CATSPERB: variants seen among roughly 807,000 people sequenced by gnomAD.
CATSPERB encodes catsper channel auxiliary subunit beta, also known as cation channel sperm-associated auxiliary subunit beta.
CATSPERB carries 93 observed loss-of-function variants against 128.3 expected under a neutral mutation model. The ratio of observed to expected loss-of-function variants is 0.72; its 90% CI spans 0.61 to 0.86. The LOEUF is 0.86. CATSPERB is among the 40% of genes least tolerant of loss of function. CATSPERB has a pLI of 0.00. For synonymous variants in CATSPERB, 381 were observed against 448.8 expected, an observed-to-expected ratio of 0.85 and a Z score of 1.91; for missense variants, 1,153 against 1,329.5, an observed-to-expected ratio of 0.87 and a Z score of 2.06.
intron 10 of CATSPERB, among the ~76,000 whole-genome samples, chr14:91,687,538 C>G (rs866737239): frequency 6.6e-6 from 1 of 152,132 alleles, no homozygotes; most frequent in African/African-American, 2.4e-5. Flanking sequence ...TTTGCCTGTG[C>G]CTTTATCTTG....
intron 22 of CATSPERB, among the ~76,000 whole-genome samples, chr14:91,592,740 A>G (rs1401684535): frequency 6.6e-6 from 1 of 152,128 alleles, no homozygotes; most frequent in Non-Finnish European, 1.5e-5. Context: ...AGAAAAACCC[A>G]TTTTCTGGGG....
chr14:91,671,291 T>A (rs1895083551), intron 13 of CATSPERB, among the ~76,000 whole-genome samples: 1 of 152,124 alleles, frequency 6.6e-6, no homozygotes, highest in African/African-American at 2.4e-5. Flanking sequence ...TCATATCTCC[T>A]GGCCAGGCGC....
chr14:91,581,403 G>A (rs984794514), intron 26 of CATSPERB, among the ~76,000 whole-genome samples: 19 of 152,370 alleles, frequency 1.2e-4, no homozygotes, highest in African/African-American at 4.3e-4. Context: ...CAGTCTCAGA[G>A]GAATGGGCAA....
In CATSPERB at chr14:91,581,702, T is replaced by C. The variant is rs570589504; in HGVS notation, c.3133-595A>G. Among the ~76,000 whole-genome samples the C allele has an allele frequency of 2.0e-5, 3 of 152,358 alleles. No homozygotes were observed. The East Asian group carries it at 5.8e-4, about 29-fold the overall frequency. On this transcript the variant is annotated intron_variant, in intron 26 of 26. Coordinates refer to ENST00000256343, the MANE Select transcript of CATSPERB (RefSeq NM_024764.4). ...AATTTCTGGAGGACAGATAGGATTA[T>C]TGACAGAGAGGGACAGTGATGTCTT...
intron 5 of CATSPERB, among the ~76,000 whole-genome samples, chr14:91,714,277 C>CAAAAAAAAAAAAAAAAGAAA (rs35951126): frequency 9.0e-6 from 1 of 111,282 alleles, no homozygotes; most frequent in African/African-American, 3.6e-5. Flanking sequence ...TACAATAAGG[C>CAAAAAAAAAAAAAAAAGAAA]AAAAAAAAAA....
chr14:91,580,808 C>A lies in CATSPERB; in HGVS notation c.*81G>T. The A allele has an allele frequency of 2.0e-6, 2 of 1,024,634 alleles. No individual in the cohort carries two copies. Among genetic ancestry groups the A allele is most frequent in the Non-Finnish European group, 2.9e-6 (2 of 683,718 alleles). The allele number at this position is 1,024,634 out of a possible 1,614,324, so 63.5% of individuals were successfully genotyped here. A position where few individuals can be genotyped will look rare whatever the true frequency, so the allele number is the denominator to read the frequency against. ...ATTCTTTAGGATTTTATGTAGCTTG[C>A]ATATTTAACATTTAAATATATTGTT... On this transcript the variant is annotated 3_prime_UTR_variant, in exon 27 of 27. Coordinates refer to ENST00000256343, the MANE Select transcript of CATSPERB (RefSeq NM_024764.4).
chr14:91,708,164 C>T lies in CATSPERB; in HGVS notation c.443G>A (p.Gly148Glu), dbSNP rs1566737150. ...ACCTCGAATAACATCCAATAGAGTT[C>T]CTTCAGTAGCATAAATATTTAGTCC... ...HHGLNIYATE[G>E]TLLDVIREPI... The change falls in exon 6 of 27, where the codon GGA becomes GAA. Residue 148 changes from glycine to glutamate, a missense_variant. Coordinates refer to ENST00000256343, the MANE Select transcript of CATSPERB (RefSeq NM_024764.4). 3.1e-6 allele frequency: 5 copies of T among 1,609,530 alleles called. No individual in the cohort carries two copies. Among genetic ancestry groups the T allele is most frequent in the African/African-American group, 1.3e-5 (1 of 74,872 alleles).
intron 5 of CATSPERB, chr14:91,710,377 C>T (rs1474248422): frequency 6.6e-6 from 1 of 152,080 alleles, no homozygotes; most frequent in Non-Finnish European, 1.5e-5. Flanking sequence ...TGGCTGGATT[C>T]AGTTAAAATT....
intron 14 of CATSPERB, among the ~76,000 whole-genome samples, chr14:91,669,425 C>A (rs1015864788): frequency 1.3e-5 from 2 of 151,666 alleles, no homozygotes; most frequent in African/African-American, 2.4e-5. Context: ...ACTTAAAGAA[C>A]AACAGAGCCA....
intron 10 of CATSPERB, among the ~76,000 whole-genome samples, chr14:91,687,263 T>C (rs1182335993): frequency 6.6e-6 from 1 of 152,214 alleles, no homozygotes; most frequent in Non-Finnish European, 1.5e-5. Flanking sequence ...TTGAACATCA[T>C]AATTTTTAGG....
intron 17 of CATSPERB, among the ~76,000 whole-genome samples, chr14:91,634,098 T>C (rs1286527462): frequency 1.3e-5 from 2 of 152,224 alleles, no homozygotes; most frequent in Non-Finnish European, 2.9e-5. Flanking sequence ...TAGGCTATTG[T>C]TGACTGGAAG....
In CATSPERB at chr14:91,608,283, A is replaced by AC. The variant is rs746093232; in HGVS notation, c.2709+10_2709+11insG. 6.6e-7 allele frequency: 1 copy of AC among 1,523,270 alleles called. No homozygotes were observed. Among genetic ancestry groups the AC allele is most frequent in the Non-Finnish European group, 9.1e-7 (1 of 1,101,244 alleles). 94.4% of individuals were successfully genotyped at this position (1,523,270 alleles called of 1,614,324 possible). ...AATAAGTGCTAGATTATTTGTAAAA[A>AC]AGTTATTTACCTTTGACATGTGAAA... On this transcript the variant is annotated intron_variant, in intron 22 of 26. Coordinates refer to ENST00000256343, the MANE Select transcript of CATSPERB (RefSeq NM_024764.4).
intron 11 of CATSPERB, among the ~76,000 whole-genome samples, chr14:91,681,342 T>A (rs1165265837): frequency 2.0e-5 from 3 of 152,158 alleles, no homozygotes; most frequent in Non-Finnish European, 4.4e-5. Context: ...CACCCCTTCC[T>A]ACAACTTGTA....
chr14:91,688,619 T>C (rs1212311288), intron 10 of CATSPERB, among the ~76,000 whole-genome samples: 1 of 152,220 alleles, frequency 6.6e-6, no homozygotes, highest in Non-Finnish European at 1.5e-5. Context: ...TTGTGATTTC[T>C]AGTGATGTTC....
chr14:91,598,128 C>A (rs1310639119), intron 22 of CATSPERB, among the ~76,000 whole-genome samples: 1 of 151,726 alleles, frequency 6.6e-6, no homozygotes, highest in Non-Finnish European at 1.5e-5. Flanking sequence ...AAATTTACCA[C>A]AGAAGATTCT....
chr14:91,652,779 C>T (rs886867364), intron 15 of CATSPERB, among the ~76,000 whole-genome samples: 10 of 150,424 alleles, frequency 6.6e-5, no homozygotes, highest in South Asian at 2.1e-4. Context: ...TAACAATATT[C>T]ACAATTACTT....
chr14:91,611,289 A>G (rs939775776), intron 20 of CATSPERB, among the ~76,000 whole-genome samples: 12 of 152,204 alleles, frequency 7.9e-5, no homozygotes, highest in African/African-American at 2.7e-4. Flanking sequence ...GGTTCGGGGA[A>G]GTATTTGGAA....
chr14:91,620,525 CTCAGT>C (rs1446316643), intron 19 of CATSPERB, among the ~76,000 whole-genome samples: 2 of 152,084 alleles, frequency 1.3e-5, no homozygotes, highest in African/African-American at 4.8e-5. Flanking sequence ...CTCTTCCTAT[CTCAGT>C]TATTTACTAA....
chr14:91,587,349 C>T, intron 25 of CATSPERB, 73 bp from the exon 26 acceptor site: 1 of 1,103,814 alleles, frequency 9.1e-7, no homozygotes, highest in South Asian at 1.6e-5. Context: ...TAAAAATATA[C>T]CCTGGGGCCA....
Sources: gnomAD v4.1 joint callset for allele counts (sites outside exome capture counted in the v4.1 genomes callset) on GRCh38, gnomAD v4.1.1 for gene constraint, MANE v1.5 for transcripts, NCBI Gene and HGNC (gene_info 2026-07-23, HGNC 2026-07-21) for gene names.